The following WNT6 variants were observed in gnomAD, a reference collection of about 807,000 sequenced individuals.
WNT6 encodes protein Wnt-6.
WNT6 carries 27 observed loss-of-function variants against 33.1 expected under a neutral mutation model. The ratio of observed to expected loss-of-function variants is 0.82; its 90% confidence interval spans 0.60 to 1.12. The LOEUF is 1.12. WNT6 is among the 50% of genes most tolerant of loss of function. The probability of loss-of-function intolerance (pLI) is 0.00; values close to 1 mark genes in which losing one functional copy is unlikely to be tolerated. For synonymous variants in WNT6, 249 were observed against 242.8 expected (o/e 1.03, Z -0.24); for missense variants, 494 against 535.3 (o/e 0.92, Z 0.76).
In WNT6 at chr2:218,865,314, C is replaced by G. The variant is rs922778323; in HGVS notation, c.80+5197C>G. ...AGTGAAAGCACCCCCAGCCTGCACCCTCCTTCCTGCCTAGGCCAGGCACTC... is the reference window on the plus strand; with the variant it reads ...AGTGAAAGCACCCCCAGCCTGCACCGTCCTTCCTGCCTAGGCCAGGCACTC... On this transcript the variant is annotated intron_variant, in intron 1 of 3. Transcript: ENST00000233948. Among the ~76,000 whole-genome samples the G allele has an allele frequency of 2.6e-5, 4 of 152,206 alleles. No individual in the cohort carries two copies. In the East Asian group the frequency reaches 7.7e-4, roughly 29 times the overall value.
At chr2:218,864,981 G>A (rs957026914) in intron 1 of WNT6, among the ~76,000 whole-genome samples, 2 of 152,236 alleles carry the variant, frequency 1.3e-5, no homozygotes, top group African/African-American at 2.4e-5. Flanking sequence ...ATACAATGGG[G>A]CTGTGAGCAG....
At chr2:218,860,184 C>T (rs2106000790) in intron 1 of WNT6, 67 bp downstream of exon 1, 1 of 1,364,954 alleles carries the variant, frequency 7.3e-7, no homozygotes. Context: ...CCAGGACAGA[C>T]TGGGGTGTTC....
chr2:218,862,750 G>T (rs1047925560), intron 1 of WNT6, among the ~76,000 whole-genome samples: 1 of 151,770 alleles, frequency 6.6e-6, no homozygotes, highest in Non-Finnish European at 1.5e-5. Flanking sequence ...GTGTCGCCCA[G>T]GCTGGAGTGC....
In WNT6 at chr2:218,873,940, C is replaced by T; in HGVS notation, c.*95C>T. On this transcript the variant is annotated 3_prime_UTR_variant, in exon 4 of 4. Transcript: ENST00000233948. This position sits in a 1 kb window ranked among gnomAD's most constrained non-coding sequence, Gnocchi z 6.1. ...CACCGGGCGCCTCTCGCCGCTCGAG[C>T]CCAGCCTCTCCCTGCCAAAGCCCAA... The T allele has an allele frequency of 3.2e-6, 4 of 1,233,368 alleles. No individual in the cohort carries two copies. The highest frequency in any genetic ancestry group is 4.3e-6 in the Non-Finnish European group (4 of 935,220). 76.4% of individuals were successfully genotyped at this position (1,233,368 alleles called of 1,614,324 possible). A position where few individuals can be genotyped will look rare whatever the true frequency, so the allele number is the denominator to read the frequency against.
chr2:218,863,624 G>A (rs749866065), intron 1 of WNT6, among the ~76,000 whole-genome samples: 8 of 152,164 alleles, frequency 5.3e-5, no homozygotes, highest in African/African-American at 1.2e-4. Flanking sequence ...TGAGGTGGGC[G>A]GATCACTTGA....
Position 218,873,892 on chromosome 2 carries a change from C to A in WNT6, c.*47C>A. The A allele has an allele frequency of 1.4e-6, 2 of 1,398,050 alleles. No individual in the cohort carries two copies. Among genetic ancestry groups the A allele is most frequent in the East Asian group, 5.8e-5 (2 of 34,634 alleles). The allele number at this position is 1,398,050 out of a possible 1,614,324, so 86.6% of individuals were successfully genotyped here. On this transcript the variant is annotated 3_prime_UTR_variant, in exon 4 of 4. Coordinates refer to ENST00000233948, the MANE Select transcript of WNT6 (RefSeq NM_006522.4). This position sits in a 1 kb window ranked among gnomAD's most constrained non-coding sequence, Gnocchi z 6.1. The stretch of plus-strand genomic sequence containing the variant: ...TGACTTCGCGCAGCGGTGGCTCGCA[C>A]CTGTGGGACCTCAGGGCACCGGCAC...
intron 3 of WNT6, among the ~76,000 whole-genome samples, chr2:218,872,239 T>C (rs1325852333): frequency 6.6e-6 from 1 of 151,908 alleles, no homozygotes; most frequent in Admixed American, 6.6e-5. Flanking sequence ...AAAGACAGGA[T>C]AGAAGCTAAT....
In WNT6 at chr2:218,871,738, CT is replaced by C; in HGVS notation, c.558del (p.Phe186LeufsTer164). 2 of 1,602,714 alleles carry C rather than the reference CT, an allele frequency of 1.2e-6. No homozygotes were observed. Among genetic ancestry groups the C allele is most frequent in the East Asian group, 2.3e-5 (1 of 43,104 alleles). On this transcript the variant is annotated frameshift_variant, in exon 3 of 4. Transcript: ENST00000233948. LOFTEE classifies it high-confidence loss of function. The surrounding 1 kb of genome is among the most constrained non-coding windows in gnomAD (Gnocchi z 6.4). The part of the protein sequence containing the change: ...VDFGDEKSRL[F>X]MDARHKRGRG... Reference sequence around the variant, plus strand: ...ACTTCGGGGACGAGAAGTCGAGGCTCTTTATGGACGCGCGGCACAAGCGGGG... The same window carrying C: ...ACTTCGGGGACGAGAAGTCGAGGCTCTTATGGACGCGCGGCACAAGCGGGG...
rs749429122 is a variant in WNT6, at chr2:218,873,379, C to T, written c.637-5C>T. The T allele has an allele frequency of 2.6e-6, 4 of 1,533,168 alleles. No individual in the cohort carries two copies. The highest frequency in any genetic ancestry group is 1.4e-5 in the African/African-American group (1 of 72,536). 95.0% of individuals were successfully genotyped at this position (1,533,168 alleles called of 1,614,324 possible). A position where few individuals can be genotyped will look rare whatever the true frequency, so the allele number is the denominator to read the frequency against. On this transcript the variant is annotated splice_polypyrimidine_tract_variant and splice_region_variant and intron_variant, in intron 3 of 3. Coordinates refer to ENST00000233948, the MANE Select transcript of WNT6 (RefSeq NM_006522.4). The surrounding 1 kb of genome is among the most constrained non-coding windows in gnomAD (Gnocchi z 6.1). ...CACATGCGTCCGCCCCTCTGCCTCC[C>T]GCAGGCCGTGCGGAGCCACACGCGC...
chr2:218,860,662 G>A (rs1440961645), intron 1 of WNT6, among the ~76,000 whole-genome samples: 1 of 152,206 alleles, frequency 6.6e-6, no homozygotes, highest in African/African-American at 2.4e-5. Context: ...CCCCAAGCAA[G>A]GAAAAGGAGG....
chr2:218,866,038 C>T (rs981427117), intron 1 of WNT6, among the ~76,000 whole-genome samples: 16 of 151,724 alleles, frequency 1.1e-4, no homozygotes, highest in Non-Finnish European at 1.9e-4. Context: ...GCAGTAATTA[C>T]CGAGTTAGAC....
intron 1 of WNT6, among the ~76,000 whole-genome samples, chr2:218,869,986 G>A (rs1310761645): frequency 2.0e-5 from 3 of 152,180 alleles, no homozygotes; most frequent in Non-Finnish European, 2.9e-5. Flanking sequence ...TTGGGAAGCC[G>A]AGGCAGGCAG....
At chr2:218,864,425 A>AC (rs1553620661) in intron 1 of WNT6, among the ~76,000 whole-genome samples, 1 of 146,552 alleles carries the variant, frequency 6.8e-6, no homozygotes, top group African/African-American at 2.5e-5. Flanking sequence ...ATGCCAGCTA[A>AC]TTTTTTTTTT....
In WNT6 at chr2:218,874,098, C is replaced by A; in HGVS notation, c.*253C>A. ...GGACACTGTACAGGCCCTCCCTCCCCTTGGCCTCTAGGAGGAAACAGTTTT... is the reference window on the plus strand; with the variant it reads ...GGACACTGTACAGGCCCTCCCTCCCATTGGCCTCTAGGAGGAAACAGTTTT... On this transcript the variant is annotated 3_prime_UTR_variant, in exon 4 of 4. Coordinates refer to ENST00000233948, the MANE Select transcript of WNT6 (RefSeq NM_006522.4). 1 of 458,492 alleles carries A rather than the reference C, an allele frequency of 2.2e-6. No individual in the cohort carries two copies. 28.4% of individuals were successfully genotyped at this position (458,492 alleles called of 1,614,324 possible). A position where few individuals can be genotyped will look rare whatever the true frequency, so the allele number is the denominator to read the frequency against.
At chr2:218,861,649 C>T (rs962628296) in intron 1 of WNT6, among the ~76,000 whole-genome samples, 5 of 152,224 alleles carry the variant, frequency 3.3e-5, no homozygotes, top group East Asian at 1.9e-4. Flanking sequence ...TCTCTTTTCC[C>T]CATAAACGCC....
At chr2:218,866,277 C>T (rs1944353945) in intron 1 of WNT6, among the ~76,000 whole-genome samples, 1 of 152,036 alleles carries the variant, frequency 6.6e-6, no homozygotes, top group Non-Finnish European at 1.5e-5. Flanking sequence ...GCTTGGAGAC[C>T]CTTCAGAGGG....
At chr2:218,862,286 C>T (rs1271435893) in intron 1 of WNT6, among the ~76,000 whole-genome samples, 1 of 152,094 alleles carries the variant, frequency 6.6e-6, no homozygotes, top group Admixed American at 6.6e-5. Context: ...CTCCTCCCTG[C>T]CTTGGCCCCT....
In WNT6 at chr2:218,873,871, T is replaced by C. The variant is rs1944430560; in HGVS notation, c.*26T>C. The C allele has an allele frequency of 2.1e-6, 3 of 1,426,180 alleles. No individual in the cohort carries two copies. The highest frequency in any genetic ancestry group is 1.8e-6 in the Non-Finnish European group (2 of 1,095,088). The allele number at this position is 1,426,180 out of a possible 1,614,324, so 88.3% of individuals were successfully genotyped here. Reference sequence around the variant, plus strand: ...CCCGCCGCCCGGCCGCTAGACTGACTTCGCGCAGCGGTGGCTCGCACCTGT... The same window carrying C: ...CCCGCCGCCCGGCCGCTAGACTGACCTCGCGCAGCGGTGGCTCGCACCTGT... On this transcript the variant is annotated 3_prime_UTR_variant, in exon 4 of 4. Transcript: ENST00000233948. The surrounding 1 kb of genome is among the most constrained non-coding windows in gnomAD (Gnocchi z 6.1).
At chr2:218,865,294 A>G (rs1394714071) in intron 1 of WNT6, among the ~76,000 whole-genome samples, 1 of 152,090 alleles carries the variant, frequency 6.6e-6, no homozygotes, top group Non-Finnish European at 1.5e-5. Flanking sequence ...GGGTCAGTGA[A>G]AGCACCCCCA....
Sources: allele counts gnomAD v4.1 joint callset (sites outside exome capture counted in the v4.1 genomes callset), GRCh38; gene constraint gnomAD v4.1.1; non-coding constraint Gnocchi (gnomAD v3.1); transcripts MANE v1.5; gene names NCBI Gene and HGNC (gene_info 2026-07-23, HGNC 2026-07-21).